Variants in GPC6 observed in about 807,000 individuals in gnomAD.
The protein encoded by GPC6 is glypican 6, also known as glypican-6.
GPC6 carries 14 observed loss-of-function variants against 55.2 expected under a neutral mutation model. The ratio of observed to expected loss-of-function variants is 0.25; its 90% CI spans 0.17 to 0.40. GPC6 has a LOEUF of 0.40. GPC6 is among the 10% of genes least tolerant of loss of function. The pLI is 1.00. For missense variants in GPC6, 641 were observed against 708.5 expected, an observed-to-expected ratio of 0.90 and a Z score of 1.08; for synonymous variants, 278 against 259.6, an observed-to-expected ratio of 1.07 and a Z score of -0.68.
intron 1 of GPC6, among the ~76,000 whole-genome samples, chr13:93,288,010 A>T (rs945318286): frequency 6.6e-6 from 1 of 152,176 alleles, no homozygotes; most frequent in Non-Finnish European, 1.5e-5. Context: ...TTTAAGCTTC[A>T]TCGGTTTTGA....
chr13:93,832,339 A>C (rs941152859), intron 3 of GPC6, among the ~76,000 whole-genome samples: 1 of 151,476 alleles, frequency 6.6e-6, no homozygotes, highest in African/African-American at 2.4e-5. Context: ...ATTTTGTTGT[A>C]AAATAAGTGT....
intron 1 of GPC6, among the ~76,000 whole-genome samples, chr13:93,326,050 C>A (rs1482684737): frequency 4.6e-5 from 7 of 152,142 alleles, no homozygotes; most frequent in Admixed American, 6.5e-5. Flanking sequence ...GCTTCCAGGT[C>A]TCTGTTTAGG....
At chr13:93,972,710 G>A (rs923777287) in intron 3 of GPC6, among the ~76,000 whole-genome samples, 1 of 152,128 alleles carries the variant, frequency 6.6e-6, no homozygotes, top group African/African-American at 2.4e-5. Flanking sequence ...TTCTAAGTTA[G>A]AGAATGCTAT....
intron 4 of GPC6, among the ~76,000 whole-genome samples, chr13:94,085,321 C>CAAAAAAAAAAA (rs33967804): frequency 4.6e-5 from 4 of 87,040 alleles, no homozygotes; most frequent in African/African-American, 8.6e-5. Flanking sequence ...GATTCTGTCT[C>CAAAAAAAAAAA]AAAAAAAAAA....
chr13:94,388,052 G>C (rs1332993803), intron 7 of GPC6, among the ~76,000 whole-genome samples: 3 of 152,104 alleles, frequency 2.0e-5, no homozygotes, highest in Non-Finnish European at 2.9e-5. Flanking sequence ...AGGCTTGAAG[G>C]CAGGATTGCC....
chr13:93,745,798 T>G (rs1884377767), intron 2 of GPC6, among the ~76,000 whole-genome samples: 1 of 152,224 alleles, frequency 6.6e-6, no homozygotes, highest in African/African-American at 2.4e-5. Context: ...CTGTATCATC[T>G]GCTTCTGATG....
At chr13:94,369,730 C>T (rs1879451209) in intron 6 of GPC6, among the ~76,000 whole-genome samples, 1 of 151,054 alleles carries the variant, frequency 6.6e-6, no homozygotes, top group African/African-American at 2.4e-5. Flanking sequence ...TTGGGGGGAT[C>T]ATCTGAGATC....
chr13:93,339,036 G>A (rs1228531484), intron 1 of GPC6, among the ~76,000 whole-genome samples: 1 of 152,104 alleles, frequency 6.6e-6, no homozygotes, highest in Non-Finnish European at 1.5e-5. Context: ...CTCTAATCTT[G>A]AACGTTTCCA....
At chr13:93,730,833 G>A (rs776011252) in intron 2 of GPC6, among the ~76,000 whole-genome samples, 5 of 152,070 alleles carry the variant, frequency 3.3e-5, no homozygotes, top group African/African-American at 9.7e-5. Flanking sequence ...TTTTAACTGC[G>A]GCCTTTCTTG....
chr13:93,874,009 C>A (rs1295512305), intron 3 of GPC6, among the ~76,000 whole-genome samples: 1 of 151,960 alleles, frequency 6.6e-6, no homozygotes, highest in African/African-American at 2.4e-5. Context: ...GGTCTCCCTG[C>A]AGCCTTTCTT....
chr13:94,026,100 C>T (rs1176116657), intron 3 of GPC6, among the ~76,000 whole-genome samples: 1 of 152,102 alleles, frequency 6.6e-6, no homozygotes, highest in Non-Finnish European at 1.5e-5. Context: ...TGTTTGAAAA[C>T]TTTCATAAAA....
chr13:93,371,507 T>A (rs970564766), intron 1 of GPC6, among the ~76,000 whole-genome samples: 5 of 152,176 alleles, frequency 3.3e-5, no homozygotes, highest in African/African-American at 1.2e-4. Context: ...GAGTTTCTTA[T>A]AATTCGACCT....
chr13:93,251,376 G>A (rs536614273), intron 1 of GPC6, among the ~76,000 whole-genome samples: 116 of 152,192 alleles, frequency 7.6e-4, no homozygotes, highest in African/African-American at 2.6e-3. Flanking sequence ...AACCTATAAG[G>A]AAATAAATGA....
At chr13:93,553,332 T>G (rs1271275855) in intron 2 of GPC6, among the ~76,000 whole-genome samples, 2 of 152,120 alleles carry the variant, frequency 1.3e-5, no homozygotes, top group Non-Finnish European at 2.9e-5. Flanking sequence ...GAAAAATGAT[T>G]TCAGTGAACC....
chr13:94,305,898 C>T, intron 5 of GPC6, 82 bp from the exon 6 acceptor site: 1 of 1,269,640 alleles, frequency 7.9e-7, no homozygotes, highest in South Asian at 1.2e-5. Context: ...ATGTGGACAC[C>T]ATTGCATTGC....
chr13:93,920,292 A>G (rs1303832580), intron 3 of GPC6, among the ~76,000 whole-genome samples: 3 of 151,894 alleles, frequency 2.0e-5, no homozygotes, highest in Non-Finnish European at 2.9e-5. Context: ...GCATCCCCCA[A>G]GGTCCTGTTT....
Position 93,570,671 on chromosome 13 carries a change from A to G in GPC6, c.319+25250A>G, listed in dbSNP as rs1024880642. Among the ~76,000 whole-genome samples, 11 of 152,210 alleles carry G rather than the reference A, an allele frequency of 7.2e-5. 1 individual carries two copies. Among genetic ancestry groups the G allele is most frequent in the Non-Finnish European group, 7.3e-5 (5 of 68,034 alleles). On this transcript the variant is annotated intron_variant, in intron 2 of 8. Transcript: ENST00000377047. ...AGATATCACAGGAAGTAAGATTTCTACATATAACAAAGAACTTTTTCACAC... is the reference window on the plus strand; with the variant it reads ...AGATATCACAGGAAGTAAGATTTCTGCATATAACAAAGAACTTTTTCACAC...
intron 1 of GPC6, among the ~76,000 whole-genome samples, chr13:93,531,785 G>GT (rs753021778): frequency 6.6e-6 from 1 of 152,252 alleles, no homozygotes; most frequent in Admixed American, 6.5e-5. Context: ...CATATACGTT[G>GT]TAAAAATTTA....
intron 4 of GPC6, among the ~76,000 whole-genome samples, chr13:94,146,868 C>T (rs1051650872): frequency 2.0e-5 from 3 of 152,198 alleles, no homozygotes; most frequent in Admixed American, 2.0e-4. Context: ...TACATTCTAG[C>T]AATGCATGTT....
Sources: gnomAD v4.1 joint callset for allele counts (sites outside exome capture counted in the v4.1 genomes callset) on GRCh38, gnomAD v4.1.1 for gene constraint, MANE v1.5 for transcripts, NCBI Gene and HGNC (gene_info 2026-07-23, HGNC 2026-07-21) for gene names.